Variants in TPRG1 observed in about 807,000 individuals in gnomAD.
TPRG1 encodes the protein tumor protein p63-regulated gene 1 protein.
In TPRG1, 29 loss-of-function variants were observed where a neutral mutation model predicts 29.3. The observed-to-expected ratio is 0.99, with a 90% CI of 0.74 to 1.35. TPRG1 has a LOEUF of 1.35. Ranked by LOEUF, TPRG1 falls within the 40% of genes most tolerant of loss-of-function variation. The pLI is 0.00. For missense variants in TPRG1, 327 were observed against 335.0 expected (o/e 0.98, Z 0.19); for synonymous variants, 130 against 116.8 (o/e 1.11, Z -0.73).
At chr3:189,139,160 T>A (rs1236517234) in intron 3 of TPRG1, among the ~76,000 whole-genome samples, 2 of 152,218 alleles carry the variant, frequency 1.3e-5, no homozygotes, top group African/African-American at 2.4e-5. Flanking sequence ...GAGGACCTGG[T>A]TGAAAATTAT....
At chr3:189,251,415 A>C (rs1742233941) in intron 4 of TPRG1, among the ~76,000 whole-genome samples, 1 of 152,154 alleles carries the variant, frequency 6.6e-6, no homozygotes, top group Non-Finnish European at 1.5e-5. Context: ...GTTTCTCGTT[A>C]GGTGGAACGA....
intron 1 of TPRG1, among the ~76,000 whole-genome samples, chr3:189,180,738 C>G (rs1730097813): frequency 6.6e-6 from 1 of 152,194 alleles, no homozygotes; most frequent in Non-Finnish European, 1.5e-5. Flanking sequence ...TGCAAACCGT[C>G]AGCGCATTTA....
intron 4 of TPRG1, among the ~76,000 whole-genome samples, chr3:189,051,767 A>G (rs556043573): frequency 2.0e-5 from 3 of 152,332 alleles, no homozygotes; most frequent in South Asian, 2.1e-4. Flanking sequence ...ATGGAACAGA[A>G]TAGAGAACCC....
At chr3:189,057,816 G>A (rs1199178041) in intron 4 of TPRG1, among the ~76,000 whole-genome samples, 3 of 137,210 alleles carry the variant, frequency 2.2e-5, no homozygotes, top group African/African-American at 5.8e-5. Context: ...ATATATATGT[G>A]TGTATATATA....
intron 4 of TPRG1, among the ~76,000 whole-genome samples, chr3:189,083,988 G>T (rs993171086): frequency 6.6e-6 from 1 of 151,950 alleles, no homozygotes; most frequent in Non-Finnish European, 1.5e-5. Flanking sequence ...GATCAGCCTG[G>T]CTAATGTGGT....
intron 4 of TPRG1, among the ~76,000 whole-genome samples, chr3:189,058,588 A>C (rs946242758): frequency 6.6e-6 from 1 of 152,248 alleles, no homozygotes; most frequent in Non-Finnish European, 1.5e-5. Context: ...GTTAGAATTA[A>C]TATAGTCTCC....
chr3:189,133,310 CA>C (rs1406050227), intron 3 of TPRG1, among the ~76,000 whole-genome samples: 1 of 152,126 alleles, frequency 6.6e-6, no homozygotes, highest in East Asian at 1.9e-4. Context: ...ATAATAGTGC[CA>C]ACTCCAGAGA....
chr3:189,151,391 T>C (rs1454029200), intron 5 of TPRG1, among the ~76,000 whole-genome samples: 1 of 152,206 alleles, frequency 6.6e-6, no homozygotes, highest in East Asian at 1.9e-4. Context: ...ATCAGAGACG[T>C]ATTTTGGAGA....
intron 4 of TPRG1, among the ~76,000 whole-genome samples, chr3:189,293,030 C>G (rs1034727689): frequency 3.3e-5 from 5 of 152,120 alleles, no homozygotes; most frequent in Non-Finnish European, 5.9e-5. Context: ...TAATAGGAAC[C>G]GGCAACCTCC....
At chr3:189,175,882 G>A (rs76761824) in intron 1 of TPRG1, among the ~76,000 whole-genome samples, 2 of 152,200 alleles carry the variant, frequency 1.3e-5, no homozygotes, top group Non-Finnish European at 2.9e-5. Context: ...TTCTTAACTT[G>A]TGTGATGTGG....
chr3:189,286,851 T>C (rs932053716), intron 4 of TPRG1, among the ~76,000 whole-genome samples: 13 of 152,154 alleles, frequency 8.5e-5, no homozygotes, highest in African/African-American at 3.1e-4. Context: ...TTATCTGTTA[T>C]GAGGCCAGGC....
chr3:189,106,444 T>C (rs1317981633), intron 1 of TPRG1, among the ~76,000 whole-genome samples: 2 of 152,196 alleles, frequency 1.3e-5, no homozygotes, highest in East Asian at 3.8e-4. Context: ...CATAATTTTG[T>C]AACCTGCCTT....
intron 5 of TPRG1, 85 bp downstream of exon 5, chr3:189,310,624 CAAAATAAAATAAAAT>C (rs201735894): frequency 0.11 from 52,835 of 470,220 alleles, 4,376 homozygotes; most frequent in East Asian, 0.17. Flanking sequence ...CTAAACAAAA[CAAAATAAAATAAAAT>C]AAAATAAAAT....
chr3:189,097,980 C>T (rs755620966), upstream of TPRG1, among the ~76,000 whole-genome samples: 32 of 152,002 alleles, frequency 2.1e-4, no homozygotes, highest in Non-Finnish European at 4.1e-4. Context: ...AGATCTATAC[C>T]GAAGATTTAA....
intron 4 of TPRG1, among the ~76,000 whole-genome samples, chr3:189,242,902 AT>A (rs1183688760): frequency 6.6e-6 from 1 of 152,008 alleles, no homozygotes; most frequent in African/African-American, 2.4e-5. Flanking sequence ...GATAAATTAT[AT>A]TTTTAAAGGA....
At chr3:189,190,975 C>G (rs749504975) in intron 1 of TPRG1, 1 of 985,344 alleles carries the variant, frequency 1.0e-6, no homozygotes, top group East Asian at 1.1e-4. Context: ...CAAGGAAATG[C>G]GAATATCACA....
intron 4 of TPRG1, among the ~76,000 whole-genome samples, chr3:189,275,434 A>G (rs1715966420): frequency 1.3e-5 from 2 of 152,188 alleles, no homozygotes; most frequent in African/African-American, 4.8e-5. Context: ...GAGAATTCAT[A>G]CAGTTGTGAC....
At chr3:189,283,947 T>G (rs1324943180) in intron 4 of TPRG1, among the ~76,000 whole-genome samples, 3 of 152,222 alleles carry the variant, frequency 2.0e-5, no homozygotes, top group Admixed American at 2.0e-4. Flanking sequence ...TTTTATGTTA[T>G]TGAACAGATA....
At chr3:189,226,151 A>G (rs1033881241) in intron 3 of TPRG1, among the ~76,000 whole-genome samples, 2 of 152,226 alleles carry the variant, frequency 1.3e-5, no homozygotes, top group Non-Finnish European at 2.9e-5. Context: ...AATCAGCTGG[A>G]CCTAATTAAT....
Sources: allele counts gnomAD v4.1 joint callset (sites outside exome capture counted in the v4.1 genomes callset), GRCh38; gene constraint gnomAD v4.1.1; transcripts MANE v1.5; gene names NCBI Gene and HGNC (gene_info 2026-07-23, HGNC 2026-07-21).